AUTS2: variants seen among roughly 807,000 people sequenced by gnomAD.
AUTS2 encodes the protein autism susceptibility gene 2 protein.
AUTS2 carries 17 observed loss-of-function variants against 112.4 expected under a neutral mutation model. The observed-to-expected ratio is 0.15, with a 90% CI of 0.10 to 0.23. AUTS2 has a LOEUF of 0.23. Ranked by LOEUF, AUTS2 falls within the 10% of genes least tolerant of loss-of-function variation. The probability of loss-of-function intolerance (pLI) is 1.00; values close to 1 mark genes in which losing one functional copy is unlikely to be tolerated. For missense variants in AUTS2, 1,510 were observed against 1,701.6 expected (o/e 0.89, Z 1.98); for synonymous variants, 751 against 702.7 (o/e 1.07, Z -1.09).
intron 4 of AUTS2, among the ~76,000 whole-genome samples, chr7:70,305,195 T>C (rs1480798315): frequency 6.6e-6 from 1 of 152,144 alleles, no homozygotes; most frequent in African/African-American, 2.4e-5. Context: ...TGTATCTCAG[T>C]GGTTATTACT....
At chr7:69,664,777 A>G (rs959612665) in intron 1 of AUTS2, among the ~76,000 whole-genome samples, 1 of 152,218 alleles carries the variant, frequency 6.6e-6, no homozygotes, top group African/African-American at 2.4e-5. Context: ...GGTTAACGAT[A>G]TAACATGGCA....
At chr7:70,660,528 G>C (rs1807015376) in intron 5 of AUTS2, among the ~76,000 whole-genome samples, 1 of 152,214 alleles carries the variant, frequency 6.6e-6, no homozygotes, top group African/African-American at 2.4e-5. Flanking sequence ...GCAAGACCTG[G>C]TTCAAGCACA....
intron 1 of AUTS2, among the ~76,000 whole-genome samples, chr7:69,739,529 G>T (rs1309631724): frequency 6.6e-6 from 1 of 152,082 alleles, no homozygotes; most frequent in African/African-American, 2.4e-5. Context: ...AGCTCAACTG[G>T]AGAATAAAGA....
chr7:70,211,409 G>A (rs1198292788), intron 4 of AUTS2, among the ~76,000 whole-genome samples: 1 of 151,650 alleles, frequency 6.6e-6, no homozygotes, highest in Non-Finnish European at 1.5e-5. Context: ...CAGCACTTTG[G>A]GAGGCAGAAG....
At chr7:69,835,729 G>C (rs770401275) in intron 1 of AUTS2, among the ~76,000 whole-genome samples, 1 of 152,208 alleles carries the variant, frequency 6.6e-6, no homozygotes, top group Non-Finnish European at 1.5e-5. Flanking sequence ...TGTCATTAAA[G>C]AGTTTCATTA....
intron 5 of AUTS2, among the ~76,000 whole-genome samples, chr7:70,525,803 GC>G (rs1311096632): frequency 6.6e-6 from 1 of 152,214 alleles, no homozygotes; most frequent in East Asian, 1.9e-4. Flanking sequence ...GAGAGAGGTG[GC>G]CTGGAGGAGG....
chr7:70,700,543 G>A (rs1809393341), intron 6 of AUTS2, among the ~76,000 whole-genome samples: 2 of 152,324 alleles, frequency 1.3e-5, no homozygotes, highest in South Asian at 4.1e-4. Flanking sequence ...TCCAGGTGGT[G>A]CAAAGTAGAC....
intron 1 of AUTS2, among the ~76,000 whole-genome samples, chr7:69,658,286 G>T (rs546672544): frequency 5.9e-5 from 9 of 152,230 alleles, no homozygotes; most frequent in African/African-American, 1.9e-4. Context: ...TTATATAGCA[G>T]GCATATAGTG....
Position 70,762,853 on chromosome 7 carries a change from T to C in AUTS2, c.743-17T>C. On this transcript the variant is annotated splice_polypyrimidine_tract_variant and intron_variant, in intron 6 of 18. Coordinates refer to ENST00000342771, the MANE Select transcript of AUTS2 (RefSeq NM_015570.4). Reference sequence around the variant, plus strand: ...ATGTCATTGCCTGTGGTTTTGTCTTTGCTCTCTCCCATGCAGATCCGGAGT... The same window carrying C: ...ATGTCATTGCCTGTGGTTTTGTCTTCGCTCTCTCCCATGCAGATCCGGAGT... 1.3e-6 allele frequency: 2 copies of C among 1,583,762 alleles called. No individual in the cohort carries two copies. Among genetic ancestry groups the C allele is most frequent in the Non-Finnish European group, 1.7e-6 (2 of 1,153,446 alleles).
intron 5 of AUTS2, among the ~76,000 whole-genome samples, chr7:70,666,971 T>C (rs1807383167): frequency 1.2e-5 from 1 of 86,950 alleles, no homozygotes; most frequent in South Asian, 4.2e-4. Context: ...TGCCGTCTTC[T>C]TAAAAAAAAA....
At chr7:70,452,480 A>T (rs1416915086) in intron 5 of AUTS2, among the ~76,000 whole-genome samples, 1 of 152,098 alleles carries the variant, frequency 6.6e-6, no homozygotes, top group African/African-American at 2.4e-5. Context: ...TATTAATAAT[A>T]ATAAGGATTC....
At chr7:69,966,553 A>T (rs1797642734) in intron 2 of AUTS2, among the ~76,000 whole-genome samples, 1 of 152,194 alleles carries the variant, frequency 6.6e-6, no homozygotes, top group African/African-American at 2.4e-5. Context: ...TCTACTTTTG[A>T]TTCCAAATGG....
intron 1 of AUTS2, among the ~76,000 whole-genome samples, chr7:69,807,455 C>T (rs1047458914): frequency 3.9e-5 from 6 of 152,046 alleles, no homozygotes; most frequent in Admixed American, 6.5e-5. Flanking sequence ...CTTGACTTCT[C>T]TTTTGAGATT....
chr7:69,868,836 T>C (rs1467509670), intron 1 of AUTS2, among the ~76,000 whole-genome samples: 3 of 152,210 alleles, frequency 2.0e-5, no homozygotes, highest in African/African-American at 7.2e-5. Flanking sequence ...GACTTTTGAA[T>C]GTAAGTGATT....
intron 3 of AUTS2, among the ~76,000 whole-genome samples, chr7:70,133,577 A>G (rs1475857099): frequency 6.6e-6 from 1 of 152,122 alleles, no homozygotes; most frequent in African/African-American, 2.4e-5. Flanking sequence ...AAAGTATAAT[A>G]CCCAACCCAA....
intron 2 of AUTS2, among the ~76,000 whole-genome samples, chr7:70,034,875 A>G (rs1405936173): frequency 6.6e-6 from 1 of 152,102 alleles, no homozygotes. Flanking sequence ...CTCTATCATC[A>G]GGCTGGAGTG....
intron 2 of AUTS2, among the ~76,000 whole-genome samples, chr7:70,078,668 C>G (rs556128496): frequency 1.3e-4 from 20 of 152,232 alleles, no homozygotes; most frequent in Middle Eastern, 6.8e-3. Context: ...ATTGAATGTC[C>G]TTCACTATCA....
chr7:70,097,093 A>G (rs1000076335), intron 2 of AUTS2, among the ~76,000 whole-genome samples: 3 of 152,234 alleles, frequency 2.0e-5, no homozygotes, highest in Non-Finnish European at 4.4e-5. Flanking sequence ...AGCTTTGGAC[A>G]AGGTGCTATG....
chr7:70,789,018 A>C lies in AUTS2; in HGVS notation c.2532-730A>C, dbSNP rs568531111. ...ACAGCTGCTCTCTAAAATTGTTTTC[A>C]ATGTCCCCATGAGGTTTCGTGTTTA... On this transcript the variant is annotated intron_variant, in intron 18 of 18. Transcript: ENST00000342771. 5.3e-5 allele frequency among the ~76,000 whole-genome samples: 8 copies of C among 152,266 alleles called. No homozygotes were observed. In the South Asian group the frequency reaches 1.7e-3, roughly 32 times the overall value.
Sources: allele counts gnomAD v4.1 joint callset (sites outside exome capture counted in the v4.1 genomes callset), GRCh38; gene constraint gnomAD v4.1.1; transcripts MANE v1.5; gene names NCBI Gene and HGNC (gene_info 2026-07-23, HGNC 2026-07-21).